Variants in LRRC47 observed in about 807,000 individuals in gnomAD.
LRRC47 encodes leucine rich repeat containing 47, also known as leucine-rich repeat-containing protein 47.
Under a neutral mutation model 40.9 loss-of-function variants are expected in LRRC47, and 31 were observed. The observed-to-expected ratio is 0.76, with a 90% CI of 0.57 to 1.02. LRRC47 has a LOEUF of 1.02. LRRC47 is among the 50% of genes least tolerant of loss of function. LRRC47 has a pLI of 0.00. For synonymous variants in LRRC47, 427 were observed against 371.9 expected (o/e 1.15, Z -1.70); for missense variants, 726 against 796.1 (o/e 0.91, Z 1.06).
At chr1:3,793,796 T>C (rs1643648274) in intron 1 of LRRC47, among the ~76,000 whole-genome samples, 1 of 152,142 alleles carries the variant, frequency 6.6e-6, no homozygotes, top group Admixed American at 6.5e-5. Flanking sequence ...CCCCTATGAT[T>C]GCACCTCAAC....
intron 4 of LRRC47, among the ~76,000 whole-genome samples, chr1:3,783,549 A>G (rs1643542084): frequency 6.6e-6 from 1 of 152,214 alleles, no homozygotes; most frequent in Non-Finnish European, 1.5e-5. Context: ...AGAACAAAGT[A>G]TTCTGAAGCC....
At chr1:3,788,258 G>A (rs1004872819) in intron 1 of LRRC47, among the ~76,000 whole-genome samples, 3 of 152,212 alleles carry the variant, frequency 2.0e-5, no homozygotes, top group South Asian at 2.1e-4. Flanking sequence ...CTGGGTGGTG[G>A]GGCAGGCACT....
At position 3,783,065 on chromosome 1, in the gene LRRC47, T is replaced by G. The variant is rs2799184; in HGVS notation, c.1311-302A>C. 1,797 of 306,696 alleles carry G rather than the reference T, an allele frequency of 5.9e-3. 12 individuals carry two copies. The highest frequency in any genetic ancestry group is 8.3e-3 in the Non-Finnish European group (1,376 of 165,606). The allele number at this position is 306,696 out of a possible 1,614,324, so 19.0% of individuals were successfully genotyped here. On this transcript the variant is annotated intron_variant, in intron 4 of 6. Coordinates refer to ENST00000378251, the MANE Select transcript of LRRC47 (RefSeq NM_020710.3). ...ATCAGTAGTGGGACTGCGCCTATGATTAGCCACCTCACTCCAGCCTGGGCA... is the reference window on the plus strand; with the variant it reads ...ATCAGTAGTGGGACTGCGCCTATGAGTAGCCACCTCACTCCAGCCTGGGCA...
intron 1 of LRRC47, among the ~76,000 whole-genome samples, chr1:3,795,637 G>A (rs1447403458): frequency 6.6e-6 from 1 of 152,242 alleles, no homozygotes; most frequent in Non-Finnish European, 1.5e-5. Context: ...GGAGTTCAGA[G>A]GCCACCTAGT....
intron 5 of LRRC47, 65 bp from the exon 6 acceptor site, chr1:3,781,666 T>C (rs1473558247): frequency 1.5e-6 from 2 of 1,308,856 alleles, no homozygotes; most frequent in Admixed American, 3.8e-5. Flanking sequence ...AACTGCAACA[T>C]TTGTTCTCAG....
intron 5 of LRRC47, among the ~76,000 whole-genome samples, chr1:3,782,143 G>A (rs1290127735): frequency 1.3e-5 from 2 of 152,112 alleles, no homozygotes; most frequent in South Asian, 2.1e-4. Context: ...TCTGGGCTGC[G>A]TTTTCTATTG....
chr1:3,780,183 C>G lies in LRRC47; in HGVS notation c.*905G>C, dbSNP rs1337948915. On this transcript the variant is annotated 3_prime_UTR_variant, in exon 7 of 7. Transcript: ENST00000378251. ...GACACATGAGAAACGTGTGCTTAGC[C>G]GCTGCTGTGTGATCACAGAGTCTTT... The G allele has an allele frequency of 6.6e-6, 1 of 150,506 alleles. No individual in the cohort carries two copies. 9.3% of individuals were successfully genotyped at this position (150,506 alleles called of 1,614,324 possible).
Position 3,783,956 on chromosome 1 carries a change from C to T in LRRC47, c.1310+40G>A, listed in dbSNP as rs755230175. On this transcript the variant is annotated intron_variant, in intron 4 of 6. Coordinates refer to ENST00000378251, the MANE Select transcript of LRRC47 (RefSeq NM_020710.3). ...TCAGCTGAGGCCAGCATGCGGCACT[C>T]CCCCGGGCCCGGCCCCACCCCACCA... 4.6e-6 allele frequency: 7 copies of T among 1,535,688 alleles called. No homozygotes were observed. In the South Asian group the frequency reaches 4.7e-5, roughly 10 times the overall value.
In LRRC47 at chr1:3,787,844, G is replaced by A. The variant is rs559968081; in HGVS notation, c.616-534C>T. Among the ~76,000 whole-genome samples, 3 of 152,324 alleles carry A rather than the reference G, an allele frequency of 2.0e-5. No individual in the cohort carries two copies. In the East Asian group the frequency reaches 5.8e-4, roughly 29 times the overall value. ...GCAAAGTTGCCCGCAGTGACACACAGAGTGCTCTCAGGGTTCACGCAGGAA... is the reference window on the plus strand; with the variant it reads ...GCAAAGTTGCCCGCAGTGACACACAAAGTGCTCTCAGGGTTCACGCAGGAA... On this transcript the variant is annotated intron_variant, in intron 1 of 6. Transcript: ENST00000378251.
Position 3,778,983 on chromosome 1 carries a change from G to C in LRRC47, c.*2105C>G, listed in dbSNP as rs1333827432. On this transcript the variant is annotated 3_prime_UTR_variant, in exon 7 of 7. Coordinates refer to ENST00000378251, the MANE Select transcript of LRRC47 (RefSeq NM_020710.3). ...CAGGGCAGGCCCCTGGCCAACTGTGGCATCTGCCTTGACTGCCCAGAGCAG... is the reference window on the plus strand; with the variant it reads ...CAGGGCAGGCCCCTGGCCAACTGTGCCATCTGCCTTGACTGCCCAGAGCAG... 6.6e-6 allele frequency: 1 copy of C among 152,448 alleles called. No homozygotes were observed. The allele number at this position is 152,448 out of a possible 1,614,324, so 9.4% of individuals were successfully genotyped here.
Position 3,781,310 on chromosome 1 carries a change from A to G in LRRC47, c.1530T>C (p.Thr510=). The G allele has an allele frequency of 6.2e-7, 1 of 1,613,344 alleles. No homozygotes were observed. Among genetic ancestry groups the G allele is most frequent in the Non-Finnish European group, 8.5e-7 (1 of 1,179,432 alleles). ...GTGATCCTTCCTCTTTATTTTCTAA[A>G]GTGTACTTTTTCATTTCTGCCATTT... The part of the protein sequence containing the change: ...ILKMAEMKKY[T]LENKEEGSLS... The change falls in exon 7 of 7, where the codon ACT becomes ACC. Residue 510 remains threonine, a synonymous_variant. Coordinates refer to ENST00000378251, the MANE Select transcript of LRRC47 (RefSeq NM_020710.3).
At chr1:3,783,598 A>G (rs899871428) in intron 4 of LRRC47, among the ~76,000 whole-genome samples, 2 of 152,202 alleles carry the variant, frequency 1.3e-5, no homozygotes, top group East Asian at 3.8e-4. Context: ...ACGGATGATC[A>G]TCTTGCTTAG....
intron 1 of LRRC47, 86 bp from the exon 2 acceptor site, chr1:3,787,396 A>C (rs1455215954): frequency 7.5e-7 from 1 of 1,327,020 alleles, no homozygotes; most frequent in Non-Finnish European, 1.0e-6. Context: ...GAGACCACTC[A>C]TCACTCACAA....
At chr1:3,782,049 G>A (rs1557640194) in intron 5 of LRRC47, among the ~76,000 whole-genome samples, 1 of 152,174 alleles carries the variant, frequency 6.6e-6, no homozygotes, top group Non-Finnish European at 1.5e-5. Flanking sequence ...CTGCAGTGCT[G>A]CACACAGCAT....
chr1:3,781,150 C>G lies in LRRC47; in HGVS notation c.1690G>C (p.Val564Leu). 1 of 1,614,148 alleles carries G rather than the reference C, an allele frequency of 6.2e-7. No homozygotes were observed. Among genetic ancestry groups the G allele is most frequent in the Non-Finnish European group, 8.5e-7 (1 of 1,180,036 alleles). Residue 564 changes from valine (V) to leucine (L), a missense_variant, in exon 7 of 7, where the codon GTG becomes CTG. Val to Leu is a conservative substitution (Grantham distance 32, BLOSUM62 1). Coordinates refer to ENST00000378251, the MANE Select transcript of LRRC47 (RefSeq NM_020710.3). ...AGGTCGGCCTTGGACGGGTACACCA[C>G]CTTCAGGCTCCCTTCCAGATCCACC... The part of the protein sequence containing the change: ...RVVDLEGSLK[V>L]VYPSKADLAT...
Position 3,779,302 on chromosome 1 carries a change from G to A in LRRC47, c.*1786C>T, listed in dbSNP as rs1488784601. 1 of 152,296 alleles carries A rather than the reference G, an allele frequency of 6.6e-6. No individual in the cohort carries two copies. Among genetic ancestry groups the A allele is most frequent in the African/African-American group, 2.4e-5 (1 of 41,466 alleles). The allele number at this position is 152,296 out of a possible 1,614,324, so 9.4% of individuals were successfully genotyped here. A position where few individuals can be genotyped will look rare whatever the true frequency, so the allele number is the denominator to read the frequency against. On this transcript the variant is annotated 3_prime_UTR_variant, in exon 7 of 7. Transcript: ENST00000378251. ...GTGTGTGGGCTGTGGGGCTCTTGCA[G>A]ATGCTTCCCAAAATCACCAGTCATT...
In LRRC47 at chr1:3,779,271, C is replaced by G. The variant is rs903130901; in HGVS notation, c.*1817G>C. On this transcript the variant is annotated 3_prime_UTR_variant, in exon 7 of 7. Transcript: ENST00000378251. ...GGCCCCGGGCCTCTCAGGTTGACAA[C>G]TAAAGGTGTGTGGGCTGTGGGGCTC... is the stretch of plus-strand genomic sequence containing the variant. 7 of 152,280 alleles carry G rather than the reference C, an allele frequency of 4.6e-5. No homozygotes were observed. Among genetic ancestry groups the G allele is most frequent in the Non-Finnish European group, 1.0e-4 (7 of 68,058 alleles). 9.4% of individuals were successfully genotyped at this position (152,280 alleles called of 1,614,324 possible). A position where few individuals can be genotyped will look rare whatever the true frequency, so the allele number is the denominator to read the frequency against.
chr1:3,791,979 C>T (rs1040069356), intron 1 of LRRC47, among the ~76,000 whole-genome samples: 2 of 152,078 alleles, frequency 1.3e-5, no homozygotes, highest in African/African-American at 4.8e-5. Flanking sequence ...GTCTCAAACT[C>T]CTGGGCTCAA....
At chr1:3,788,388 A>C (rs2124612504) in intron 1 of LRRC47, among the ~76,000 whole-genome samples, 1 of 152,226 alleles carries the variant, frequency 6.6e-6, no homozygotes, top group South Asian at 2.1e-4. Flanking sequence ...CCCAGAGAGG[A>C]GGCAACAGCA....
Sources: gnomAD v4.1 joint callset for allele counts (sites outside exome capture counted in the v4.1 genomes callset) on GRCh38, gnomAD v4.1.1 for gene constraint, MANE v1.5 for transcripts, NCBI Gene and HGNC (gene_info 2026-07-23, HGNC 2026-07-21) for gene names.